Variants in RPS6KA2 observed in about 807,000 individuals in gnomAD.
The protein encoded by RPS6KA2 is ribosomal protein S6 kinase alpha-2.
A neutral mutation model predicts 91.8 loss-of-function variants in RPS6KA2; 42 were observed. That is an observed-to-expected ratio of 0.46 (90% CI 0.36 to 0.59). RPS6KA2 has a LOEUF of 0.59. Among genes scored for constraint, RPS6KA2 ranks in the 20% least tolerant of loss-of-function variants. The pLI is 0.00. For synonymous variants in RPS6KA2, 414 were observed against 393.6 expected (o/e 1.05, Z -0.61); for missense variants, 798 against 978.5 (o/e 0.82, Z 2.46).
At chr6:166,674,765 T>C (rs184211808) in intron 2 of RPS6KA2, among the ~76,000 whole-genome samples, 1 of 152,076 alleles carries the variant, frequency 6.6e-6, no homozygotes, top group East Asian at 1.9e-4. Flanking sequence ...GCCTCCCGGG[T>C]TCAAGCTATT....
At chr6:166,432,726 C>A (rs1179813248) in intron 14 of RPS6KA2, among the ~76,000 whole-genome samples, 1 of 152,166 alleles carries the variant, frequency 6.6e-6, no homozygotes, top group African/African-American at 2.4e-5. Context: ...CAAGGTGGCT[C>A]ATGCCTGTAA....
intron 2 of RPS6KA2, among the ~76,000 whole-genome samples, chr6:166,653,950 T>C (rs1260515225): frequency 6.6e-6 from 1 of 152,252 alleles, no homozygotes; most frequent in African/African-American, 2.4e-5. Flanking sequence ...ATTTTTAATC[T>C]GTCTTAACAG....
At chr6:166,507,347 G>A (rs1305030306) in intron 5 of RPS6KA2, among the ~76,000 whole-genome samples, 1 of 150,470 alleles carries the variant, frequency 6.6e-6, no homozygotes, top group East Asian at 1.9e-4. Flanking sequence ...GAACCAGGCA[G>A]CAATGCACAC....
At chr6:166,832,203 A>G (rs1259454874) in intron 2 of RPS6KA2, among the ~76,000 whole-genome samples, 1 of 152,210 alleles carries the variant, frequency 6.6e-6, no homozygotes, top group Non-Finnish European at 1.5e-5. Flanking sequence ...TGAAGTAAAC[A>G]GGAAGAAAGT....
intron 2 of RPS6KA2, among the ~76,000 whole-genome samples, chr6:166,651,432 C>T (rs994030015): frequency 6.6e-6 from 1 of 152,172 alleles, no homozygotes; most frequent in Non-Finnish European, 1.5e-5. Flanking sequence ...GATTGGTTTT[C>T]TATGTATTTC....
At chr6:166,462,684 G>A (rs1243078336) in intron 11 of RPS6KA2, among the ~76,000 whole-genome samples, 1 of 152,168 alleles carries the variant, frequency 6.6e-6, no homozygotes, top group African/African-American at 2.4e-5. Flanking sequence ...AGGTAGTCCC[G>A]TAGCACTTTT....
At chr6:166,755,005 A>G (rs1437281881) in intron 2 of RPS6KA2, among the ~76,000 whole-genome samples, 1 of 152,198 alleles carries the variant, frequency 6.6e-6, no homozygotes, top group Non-Finnish European at 1.5e-5. Flanking sequence ...GACCCCTTCC[A>G]GCTTCCAGAT....
At chr6:166,436,736 A>G (rs780728012) in intron 14 of RPS6KA2, among the ~76,000 whole-genome samples, 7 of 152,178 alleles carry the variant, frequency 4.6e-5, no homozygotes, top group Non-Finnish European at 1.0e-4. Context: ...GTGGGTTTGC[A>G]TGGGAAATGG....
intron 1 of RPS6KA2, among the ~76,000 whole-genome samples, chr6:166,547,420 G>A (rs530454681): frequency 1.3e-4 from 20 of 152,350 alleles, no homozygotes; most frequent in African/African-American, 3.6e-4. Context: ...CTGAAAGGTC[G>A]GCAGCTGAGT....
At chr6:166,555,563 G>C (rs532936682) in intron 1 of RPS6KA2, among the ~76,000 whole-genome samples, 28 of 152,028 alleles carry the variant, frequency 1.8e-4, no homozygotes, top group Middle Eastern at 3.4e-3. Flanking sequence ...AAATTCCTCG[G>C]GGAGGTGGAT....
chr6:166,413,669 A>G, intron 20 of RPS6KA2, 125 bp downstream of exon 20: 2 of 956,646 alleles, frequency 2.1e-6, no homozygotes, highest in South Asian at 3.4e-5. Flanking sequence ...CCGGCGGTGC[A>G]GTTTGGGGCT....
At chr6:166,526,494 C>T (rs969028510) in intron 3 of RPS6KA2, among the ~76,000 whole-genome samples, 6 of 151,758 alleles carry the variant, frequency 4.0e-5, no homozygotes, top group East Asian at 1.9e-4. Context: ...TACAGGTGTG[C>T]GCCACCATAC....
intron 1 of RPS6KA2, among the ~76,000 whole-genome samples, chr6:166,547,639 C>T (rs867703222): frequency 5.3e-5 from 8 of 152,214 alleles, no homozygotes; most frequent in Non-Finnish European, 7.4e-5. Context: ...TGGCGGCAGC[C>T]GCTTAACCCA....
chr6:166,511,542 C>T (rs1287224773), intron 3 of RPS6KA2, among the ~76,000 whole-genome samples: 2 of 152,194 alleles, frequency 1.3e-5, no homozygotes, highest in South Asian at 2.1e-4. Context: ...AAGAGCACCA[C>T]TTGAGTAAAA....
At chr6:166,524,400 C>G (rs1782956253) in intron 3 of RPS6KA2, among the ~76,000 whole-genome samples, 1 of 152,186 alleles carries the variant, frequency 6.6e-6, no homozygotes, top group Non-Finnish European at 1.5e-5. Context: ...CGAAGGAATT[C>G]CACACTGCAA....
intron 2 of RPS6KA2, among the ~76,000 whole-genome samples, chr6:166,777,642 C>A (rs1778660057): frequency 6.6e-6 from 1 of 152,068 alleles, no homozygotes; most frequent in East Asian, 1.9e-4. Context: ...TAAATGTAAA[C>A]AAGTTGGAAA....
At chr6:166,827,632 C>G (rs78680405) in intron 2 of RPS6KA2, among the ~76,000 whole-genome samples, 2,990 of 152,250 alleles carry the variant, frequency 0.02, 103 homozygotes, top group African/African-American at 0.068. Flanking sequence ...CATTCTGTTG[C>G]GTACTGAAAA....
intron 2 of RPS6KA2, 121 bp from the exon 3 acceptor site, chr6:166,531,434 G>A (rs534391206): frequency 2.6e-6 from 2 of 758,658 alleles, no homozygotes; most frequent in Non-Finnish European, 4.5e-6. Context: ...AAGTACACTG[G>A]TGAGAATTTA....
chr6:166,693,526 G>T (rs1789271500), intron 2 of RPS6KA2, among the ~76,000 whole-genome samples: 1 of 152,166 alleles, frequency 6.6e-6, no homozygotes, highest in Non-Finnish European at 1.5e-5. Context: ...CATATTTGTG[G>T]ACTGCTCCAA....
Sources: gnomAD v4.1 joint callset for allele counts (sites outside exome capture counted in the v4.1 genomes callset) on GRCh38, gnomAD v4.1.1 for gene constraint, MANE v1.5 for transcripts, NCBI Gene and HGNC (gene_info 2026-07-23, HGNC 2026-07-21) for gene names.